The following TVP23A variants were observed in gnomAD, a reference collection of about 807,000 sequenced individuals.
TVP23A encodes trans-golgi network vesicle protein 23 homolog A.
In TVP23A, 21 loss-of-function variants were observed where a neutral mutation model predicts 31.7. That is an observed-to-expected ratio of 0.66 (90% CI 0.47 to 0.95). The LOEUF is 0.95. Among genes scored for constraint, TVP23A ranks in the 40% least tolerant of loss-of-function variants. TVP23A has a pLI of 0.00. For missense variants in TVP23A, 279 were observed against 255.6 expected (o/e 1.09, Z -0.62); for synonymous variants, 104 against 96.0 (o/e 1.08, Z -0.49).
chr16:10,805,566 C>A (rs1007079042), intron 2 of TVP23A, among the ~76,000 whole-genome samples: 6 of 148,022 alleles, frequency 4.1e-5, no homozygotes, highest in African/African-American at 1.5e-4. Flanking sequence ...TTGCTCCTGT[C>A]ACGAGTGAAG....
chr16:10,776,068 TA>T (rs1398108539), intron 2 of TVP23A, among the ~76,000 whole-genome samples: 1 of 151,628 alleles, frequency 6.6e-6, no homozygotes, highest in Non-Finnish European at 1.5e-5. Context: ...TTATTATTAT[TA>T]TTTTTTAATG....
At chr16:10,791,615 C>T (rs929285888) in intron 2 of TVP23A, among the ~76,000 whole-genome samples, 1 of 151,970 alleles carries the variant, frequency 6.6e-6, no homozygotes, top group African/African-American at 2.4e-5. Flanking sequence ...TCCCTTCTCT[C>T]TTATTTTTTT....
At chr16:10,808,849 C>A (rs2034065844) in intron 2 of TVP23A, among the ~76,000 whole-genome samples, 1 of 152,138 alleles carries the variant, frequency 6.6e-6, no homozygotes, top group Non-Finnish European at 1.5e-5. Context: ...CAGCTGAGAC[C>A]AAAATTAGAT....
intron 2 of TVP23A, among the ~76,000 whole-genome samples, chr16:10,798,883 C>T (rs761853087): frequency 3.3e-5 from 5 of 152,168 alleles, no homozygotes; most frequent in South Asian, 2.1e-4. Context: ...AGGATGGTCT[C>T]GATCTCCTGA....
downstream of TVP23A, among the ~76,000 whole-genome samples, chr16:10,764,378 T>C (rs1282910737): frequency 1.3e-5 from 2 of 151,922 alleles, no homozygotes; most frequent in African/African-American, 2.4e-5. Context: ...TATGCCAGTC[T>C]GTTGGAGCAT....
chr16:10,776,965 C>G (rs762297895), intron 2 of TVP23A, among the ~76,000 whole-genome samples: 57 of 152,232 alleles, frequency 3.7e-4, no homozygotes, highest in Non-Finnish European at 5.0e-4. Context: ...TTTACTGCAA[C>G]CTGTTTTATC....
intron 2 of TVP23A, among the ~76,000 whole-genome samples, chr16:10,805,845 T>C (rs1157291525): frequency 6.6e-6 from 1 of 152,004 alleles, no homozygotes; most frequent in African/African-American, 2.4e-5. Context: ...TTTGTTGGTT[T>C]AATGAATAAA....
intron 2 of TVP23A, among the ~76,000 whole-genome samples, chr16:10,817,454 G>A (rs1276482286): frequency 1.3e-5 from 2 of 152,184 alleles, no homozygotes; most frequent in East Asian, 1.9e-4. Flanking sequence ...TGGGCCATCG[G>A]CAACCACGTT....
chr16:10,784,669 T>G (rs982734548), intron 2 of TVP23A, among the ~76,000 whole-genome samples: 1 of 152,174 alleles, frequency 6.6e-6, no homozygotes, highest in Non-Finnish European at 1.5e-5. Context: ...AATAATAATG[T>G]ATTGGTTCAT....
In TVP23A at chr16:10,779,020, G is replaced by C. The variant is rs1351836852; in HGVS notation, c.90-3924C>G. Among the ~76,000 whole-genome samples the C allele has an allele frequency of 1.3e-5, 2 of 152,154 alleles. No homozygotes were observed. The highest frequency in any genetic ancestry group is 2.4e-5 in the African/African-American group (1 of 41,444). ...TGAGCCAAGTGTGCGCTGACCCATGGTAAAATGTGGAAGTAAATGCATTCG... is the reference window on the plus strand; with the variant it reads ...TGAGCCAAGTGTGCGCTGACCCATGCTAAAATGTGGAAGTAAATGCATTCG... On this transcript the variant is annotated intron_variant, in intron 2 of 7. Coordinates refer to ENST00000299866, the MANE Select transcript of TVP23A (RefSeq NM_001079512.4). The surrounding 1 kb of genome is among the most constrained non-coding windows in gnomAD (Gnocchi z 4.9).
Position 10,767,337 on chromosome 16 carries a change from C to T in TVP23A, c.*1765G>A, listed in dbSNP as rs925867832. ...TAGGAGGGGACTGGAACAATGGCCACATGGCGGGGAAAGACTAGCAGACTG... is the reference window on the plus strand; with the variant it reads ...TAGGAGGGGACTGGAACAATGGCCATATGGCGGGGAAAGACTAGCAGACTG... On this transcript the variant is annotated 3_prime_UTR_variant, in exon 8 of 8. Transcript: ENST00000299866. The surrounding 1 kb of genome is among the most constrained non-coding windows in gnomAD (Gnocchi z 4.6). 9.8e-5 allele frequency: 39 copies of T among 399,428 alleles called. No homozygotes were observed. Among genetic ancestry groups the T allele is most frequent in the Non-Finnish European group, 1.5e-4 (35 of 226,794 alleles). 24.7% of individuals were successfully genotyped at this position (399,428 alleles called of 1,614,324 possible). A position where few individuals can be genotyped will look rare whatever the true frequency, so the allele number is the denominator to read the frequency against.
At chr16:10,804,084 A>G (rs1345602294) in intron 2 of TVP23A, among the ~76,000 whole-genome samples, 5 of 152,220 alleles carry the variant, frequency 3.3e-5, no homozygotes, top group African/African-American at 1.2e-4. Flanking sequence ...GCTGAACAGG[A>G]ACATGGGGCT....
intron 2 of TVP23A, among the ~76,000 whole-genome samples, chr16:10,789,472 T>A (rs1479841765): frequency 6.6e-6 from 1 of 151,934 alleles, no homozygotes. Context: ...CCCAAGGTGG[T>A]TGGGGTACAG....
chr16:10,781,187 G>A (rs2032400193), intron 2 of TVP23A, among the ~76,000 whole-genome samples: 1 of 152,104 alleles, frequency 6.6e-6, no homozygotes, highest in Non-Finnish European at 1.5e-5. Flanking sequence ...AAATTAGCCT[G>A]GGATGGTGGC....
At chr16:10,786,959 A>G (rs1363308781) in intron 2 of TVP23A, among the ~76,000 whole-genome samples, 2 of 152,134 alleles carry the variant, frequency 1.3e-5, no homozygotes, top group African/African-American at 4.8e-5. Flanking sequence ...TTTAGACCTA[A>G]AAATCCCCCA....
intron 2 of TVP23A, among the ~76,000 whole-genome samples, chr16:10,793,353 G>A (rs190595336): frequency 6.6e-6 from 1 of 152,272 alleles, no homozygotes; most frequent in East Asian, 1.9e-4. Context: ...ATGAAAGTGT[G>A]AGCCCCAGGG....
intron 2 of TVP23A, among the ~76,000 whole-genome samples, chr16:10,814,778 C>G (rs1433056395): frequency 6.6e-6 from 1 of 152,192 alleles, no homozygotes; most frequent in African/African-American, 2.4e-5. Flanking sequence ...CTGAGGCCAC[C>G]GTGCTGCACA....
At chr16:10,783,492 A>G (rs991390446) in intron 2 of TVP23A, among the ~76,000 whole-genome samples, 3 of 152,262 alleles carry the variant, frequency 2.0e-5, no homozygotes, top group East Asian at 3.9e-4. Context: ...CCTGGCCAAC[A>G]TGGCAAAAAT....
At chr16:10,787,020 A>G (rs2032800339) in intron 2 of TVP23A, among the ~76,000 whole-genome samples, 3 of 152,088 alleles carry the variant, frequency 2.0e-5, no homozygotes, top group Non-Finnish European at 4.4e-5. Context: ...TCCAGAAAGC[A>G]GGTCCTTTCT....
Sources: gnomAD v4.1 joint callset for allele counts (sites outside exome capture counted in the v4.1 genomes callset) on GRCh38, gnomAD v4.1.1 for gene constraint, Gnocchi (gnomAD v3.1) non-coding constraint, MANE v1.5 for transcripts, NCBI Gene and HGNC (gene_info 2026-07-23, HGNC 2026-07-21) for gene names.